Variants in COL11A2 observed in about 807,000 individuals in gnomAD.
The protein encoded by COL11A2 is collagen alpha-2(XI) chain.
COL11A2 carries 116 observed loss-of-function variants against 273.4 expected under a neutral mutation model. The ratio of observed to expected loss-of-function variants is 0.42; its 90% CI spans 0.36 to 0.49. The LOEUF is 0.49. COL11A2 is among the 20% of genes least tolerant of loss of function. COL11A2 has a pLI of 0.00. For synonymous variants in COL11A2, 782 were observed against 864.2 expected, an observed-to-expected ratio of 0.90 and a Z score of 1.67; for missense variants, 1,866 against 2,309.0, an observed-to-expected ratio of 0.81 and a Z score of 3.93.
chr6:33,176,934 T>A lies in COL11A2; in HGVS notation c.2070+58A>T. On this transcript the variant is annotated intron_variant, in intron 25 of 65. Coordinates refer to ENST00000341947, the MANE Select transcript of COL11A2 (RefSeq NM_080680.3). This position sits in a 1 kb window ranked among gnomAD's most constrained non-coding sequence, Gnocchi z 4.9. ...AAGGGTCACTAAAGGAGCTCTGAGG[T>A]CATGCACTGGGGTGGAAGGCCAAGG... is the stretch of plus-strand genomic sequence containing the variant. 6.3e-7 allele frequency: 1 copy of A among 1,577,742 alleles called. No homozygotes were observed. The highest frequency in any genetic ancestry group is 8.6e-7 in the Non-Finnish European group (1 of 1,157,412).
chr6:33,178,219 A>C lies in COL11A2; in HGVS notation c.1819-34T>G, dbSNP rs1326801885. The C allele has an allele frequency of 6.2e-7, 1 of 1,612,420 alleles. No individual in the cohort carries two copies. Among genetic ancestry groups the C allele is most frequent in the South Asian group, 1.1e-5 (1 of 91,068 alleles). Reference sequence around the variant, plus strand: ...ACGGTGAGGGGAGGAGACGGCATGAATGGATAAAACTGTGTCCCTTTAGTG... The same window carrying C: ...ACGGTGAGGGGAGGAGACGGCATGACTGGATAAAACTGTGTCCCTTTAGTG... On this transcript the variant is annotated intron_variant, in intron 20 of 65. Transcript: ENST00000341947. The surrounding 1 kb of genome is among the most constrained non-coding windows in gnomAD (Gnocchi z 4.6).
intron 31 of COL11A2, 121 bp downstream of exon 31, chr6:33,174,406 T>C: frequency 7.2e-7 from 1 of 1,397,860 alleles, no homozygotes; most frequent in South Asian, 1.2e-5. Flanking sequence ...AAAATGGGGG[T>C]CAGCTAAATT....
rs139564431 is a variant in COL11A2, at chr6:33,167,838, C to T, written c.3975G>A (p.Ser1325=). ...CTCCTTGTCGCCCCTCGGAACCAGG[C>T]GAGCCAGCAGGACCCTGCAGGTGGA... ...GPLGKRGPAG[S]PGSEGRQGGK... is the part of the protein sequence containing the mutation. The change falls in exon 55 of 66, where the codon TCG becomes TCA. Residue 1325 remains serine (S), a synonymous_variant. Coordinates refer to ENST00000341947, the MANE Select transcript of COL11A2 (RefSeq NM_080680.3). The surrounding 1 kb of genome is among the most constrained non-coding windows in gnomAD (Gnocchi z 6.1). 197 of 1,612,296 alleles carry T rather than the reference C, an allele frequency of 1.2e-4. 2 individuals are homozygous for T. In the African/African-American group the frequency reaches 1.8e-3, roughly 15 times the overall value.
In COL11A2 at chr6:33,163,560, G is replaced by A. The variant is rs1562298700; in HGVS notation, c.*118C>T. 13 of 1,535,034 alleles carry A rather than the reference G, an allele frequency of 8.5e-6. 1 individual carries two copies. In the South Asian group the frequency reaches 9.0e-5, roughly 11 times the overall value. On this transcript the variant is annotated 3_prime_UTR_variant, in exon 66 of 66. Transcript: ENST00000341947. This position sits in a 1 kb window ranked among gnomAD's most constrained non-coding sequence, Gnocchi z 4.1. Reference sequence around the variant, plus strand: ...CCTGCCCCGACTGAGGGCTCTCCACGCCCTGGCCCAGGGCTCCCTAGATAG... The same window carrying A: ...CCTGCCCCGACTGAGGGCTCTCCACACCCTGGCCCAGGGCTCCCTAGATAG...
chr6:33,183,617 A>C (rs937905374), intron 8 of COL11A2, among the ~76,000 whole-genome samples: 4 of 152,216 alleles, frequency 2.6e-5, no homozygotes, highest in Non-Finnish European at 5.9e-5. Flanking sequence ...GAAATAATAA[A>C]TCCTTTGCAG....
intron 5 of COL11A2, among the ~76,000 whole-genome samples, chr6:33,186,101 C>T (rs1772391839): frequency 6.6e-6 from 1 of 151,892 alleles, no homozygotes; most frequent in Non-Finnish European, 1.5e-5. Context: ...AGGCTCCCTT[C>T]CCTTCCCTTC....
intron 5 of COL11A2, among the ~76,000 whole-genome samples, chr6:33,186,046 C>A (rs112554586): frequency 6.6e-6 from 1 of 151,746 alleles, no homozygotes; most frequent in Non-Finnish European, 1.5e-5. Flanking sequence ...GACCACTGAC[C>A]CCAGAGCCTA....
chr6:33,186,959 C>A (rs554979675), intron 4 of COL11A2, 141 bp from the exon 5 acceptor site: 10 of 1,108,992 alleles, frequency 9.0e-6, no homozygotes, highest in East Asian at 2.4e-5. Context: ...ATATGCATAG[C>A]CCTTTTCAGT....
In COL11A2 at chr6:33,166,157, AG is replaced by A. The variant is rs1364817390; in HGVS notation, c.4428+13del. ...GGGGTGGAGCAAAGGTCAGAGCTGAAGGGGGTCACTCACTGTGGCTCCTTTG... is the reference window on the plus strand; with the variant it reads ...GGGGTGGAGCAAAGGTCAGAGCTGAAGGGGTCACTCACTGTGGCTCCTTTG... On this transcript the variant is annotated intron_variant, in intron 61 of 65. Transcript: ENST00000341947. The surrounding 1 kb of genome is among the most constrained non-coding windows in gnomAD (Gnocchi z 4.8). 4.4e-6 allele frequency: 7 copies of A among 1,608,488 alleles called. No individual in the cohort carries two copies. The highest frequency in any genetic ancestry group is 2.7e-5 in the African/African-American group (2 of 74,884).
chr6:33,173,575 G>T lies in COL11A2; in HGVS notation c.2629-20C>A. The T allele has an allele frequency of 9.5e-7, 1 of 1,047,190 alleles. No homozygotes were observed. The highest frequency in any genetic ancestry group is 1.2e-5 in the South Asian group (1 of 80,278). The allele number at this position is 1,047,190 out of a possible 1,614,324, so 64.9% of individuals were successfully genotyped here. On this transcript the variant is annotated intron_variant, in intron 35 of 65. Transcript: ENST00000341947. This position sits in a 1 kb window ranked among gnomAD's most constrained non-coding sequence, Gnocchi z 6.3. ...GAGGCCCTAGAGACAGAGGTGGGGG[G>T]AGTCAGGAGAATGGGGGCAGGGGCT...
chr6:33,189,737 T>C lies in COL11A2; in HGVS notation c.83-268A>G, dbSNP rs1772891864. On this transcript the variant is annotated intron_variant, in intron 1 of 65. Transcript: ENST00000341947. This position sits in a 1 kb window ranked among gnomAD's most constrained non-coding sequence, Gnocchi z 5.6. ...CTGCCTCTCTTACGCTCTCTCTTTGTCTTTTAGCTTATGAATCTGTCTCTC... is the reference window on the plus strand; with the variant it reads ...CTGCCTCTCTTACGCTCTCTCTTTGCCTTTTAGCTTATGAATCTGTCTCTC... 6.6e-6 allele frequency among the ~76,000 whole-genome samples: 1 copy of C among 152,182 alleles called. No homozygotes were observed. The highest frequency in any genetic ancestry group is 1.5e-5 in the Non-Finnish European group (1 of 68,018).
rs1769092223 is a variant in COL11A2 at position 33,166,094 on chromosome 6, A to C, written c.4428+77T>G. On this transcript the variant is annotated intron_variant, in intron 61 of 65. Transcript: ENST00000341947. The surrounding 1 kb of genome is among the most constrained non-coding windows in gnomAD (Gnocchi z 4.8). ...CTGGAATAAGGGGCTCCTTGGGGGG[A>C]GTCTATTTGTCCTGGAGAGACATCA... 3 of 1,601,026 alleles carry C rather than the reference A, an allele frequency of 1.9e-6. No individual in the cohort carries two copies. The South Asian group carries it at 3.3e-5, about 18-fold the overall frequency.
chr6:33,185,623 G>C, intron 6 of COL11A2, 78 bp downstream of exon 6: 2 of 576,504 alleles, frequency 3.5e-6, no homozygotes, highest in Non-Finnish European at 6.6e-6. Flanking sequence ...CATGGGGGAG[G>C]GGAGGAAGGT....
chr6:33,178,293 C>A lies in COL11A2; in HGVS notation c.1818+15G>T, dbSNP rs549588854. ...CCAGAGCCCCCTCCCCCAGCACCAG[C>A]CCTTGGACACTCACCGACTCTCCAG... On this transcript the variant is annotated intron_variant, in intron 20 of 65. Transcript: ENST00000341947. This position sits in a 1 kb window ranked among gnomAD's most constrained non-coding sequence, Gnocchi z 4.6. The A allele has an allele frequency of 1.1e-5, 18 of 1,612,784 alleles. No homozygotes were observed. The highest frequency in any genetic ancestry group is 1.4e-5 in the Non-Finnish European group (17 of 1,179,952).
In COL11A2 at chr6:33,180,574, C is replaced by A. The variant is rs2150585550; in HGVS notation, c.1284+94G>T. ...ACCATCCCCTCATTCATTAACAAGCCACCTAACAGGAAATTACTGGGCATG... is the reference window on the plus strand; with the variant it reads ...ACCATCCCCTCATTCATTAACAAGCAACCTAACAGGAAATTACTGGGCATG... On this transcript the variant is annotated intron_variant, in intron 11 of 65. Coordinates refer to ENST00000341947, the MANE Select transcript of COL11A2 (RefSeq NM_080680.3). 4.1e-6 allele frequency: 5 copies of A among 1,226,368 alleles called. No individual in the cohort carries two copies. The East Asian group carries it at 1.3e-4, about 31-fold the overall frequency. 76.0% of individuals were successfully genotyped at this position (1,226,368 alleles called of 1,614,324 possible).
At chr6:33,174,081 A>G (rs1770539631) in intron 32 of COL11A2, 26 bp from the exon 33 acceptor site, 5 of 1,613,444 alleles carry the variant, frequency 3.1e-6, no homozygotes, top group Admixed American at 1.7e-5. Flanking sequence ...CAGAGAGAAC[A>G]TTACCCAGGG....
In COL11A2 at chr6:33,177,114, G is replaced by C; in HGVS notation, c.2016+67C>G. 1 of 1,612,434 alleles carries C rather than the reference G, an allele frequency of 6.2e-7. No individual in the cohort carries two copies. Among genetic ancestry groups the C allele is most frequent in the Non-Finnish European group, 8.5e-7 (1 of 1,179,568 alleles). On this transcript the variant is annotated intron_variant, in intron 24 of 65. Transcript: ENST00000341947. This position sits in a 1 kb window ranked among gnomAD's most constrained non-coding sequence, Gnocchi z 5.9. ...TCTGGACACAGACAAAATCCCAGCA[G>C]ACATTTAGGGTTCTCCCTACATCCC...
chr6:33,177,143 T>G lies in COL11A2; in HGVS notation c.2016+38A>C. ...TTTAGGGTTCTCCCTACATCCCCAC[T>G]CTAAACCCCCTGTCCTCCAAATCAC... On this transcript the variant is annotated intron_variant, in intron 24 of 65. Transcript: ENST00000341947. This position sits in a 1 kb window ranked among gnomAD's most constrained non-coding sequence, Gnocchi z 5.9. 6.2e-7 allele frequency: 1 copy of G among 1,612,846 alleles called. No homozygotes were observed. Among genetic ancestry groups the G allele is most frequent in the African/African-American group, 1.3e-5 (1 of 75,000 alleles).
At position 33,166,331 on chromosome 6, in the gene COL11A2, G is replaced by A; in HGVS notation, c.4393-125C>T. ...TACTACAGGAGGGGCAGTCTTGTGG[G>A]AATACTAGGACATTCAGAGCCCTGG... On this transcript the variant is annotated intron_variant, in intron 60 of 65. Coordinates refer to ENST00000341947, the MANE Select transcript of COL11A2 (RefSeq NM_080680.3). The surrounding 1 kb of genome is among the most constrained non-coding windows in gnomAD (Gnocchi z 4.8). The A allele has an allele frequency of 2.3e-6, 3 of 1,303,948 alleles. No individual in the cohort carries two copies. The highest frequency in any genetic ancestry group is 3.2e-6 in the Non-Finnish European group (3 of 946,690). 80.8% of individuals were successfully genotyped at this position (1,303,948 alleles called of 1,614,324 possible).
Sources: allele counts gnomAD v4.1 joint callset (sites outside exome capture counted in the v4.1 genomes callset), GRCh38; gene constraint gnomAD v4.1.1; non-coding constraint Gnocchi (gnomAD v3.1); transcripts MANE v1.5; gene names NCBI Gene and HGNC (gene_info 2026-07-23, HGNC 2026-07-21).